ATP13A4: variants seen among roughly 807,000 people sequenced by gnomAD.
The protein encoded by ATP13A4 is probable cation-transporting ATPase 13A4.
In ATP13A4, 114 loss-of-function variants were observed where a neutral mutation model predicts 142.5. The observed-to-expected ratio is 0.80, with a 90% CI of 0.69 to 0.93. The LOEUF is 0.93. Ranked by LOEUF, ATP13A4 falls within the 40% of genes least tolerant of loss-of-function variation. The probability of loss-of-function intolerance (pLI) is 0.00; values close to 1 mark genes in which losing one functional copy is unlikely to be tolerated. For missense variants in ATP13A4, 1,392 were observed against 1,454.0 expected (o/e 0.96, Z 0.69); for synonymous variants, 488 against 514.8 (o/e 0.95, Z 0.70).
intron 1 of ATP13A4, among the ~76,000 whole-genome samples, chr3:193,541,410 T>C (rs1003821722): frequency 1.7e-5 from 2 of 120,904 alleles, no homozygotes; most frequent in Admixed American, 7.9e-5. Flanking sequence ...CGATCACAGA[T>C]TATCTATCTG....
chr3:193,404,120 T>G, intron 29 of ATP13A4: 2 of 985,396 alleles, frequency 2.0e-6, no homozygotes, highest in Non-Finnish European at 2.4e-6. Flanking sequence ...GCAGCAAGGT[T>G]TTTTTGTCCT....
rs564755485 is a variant in ATP13A4 at position 193,569,517 on chromosome 3, G to GTTTT, written n.291+12186_291+12189dup. ...AGTATTGGGTTTTTGTTTTGGTTTG[G>GTTTT]TTTTTTTGTTGTTGTTTTTGTTTTT... is the stretch of plus-strand genomic sequence containing the variant. On this transcript the variant is annotated intron_variant and non_coding_transcript_variant, in intron 2 of 3. Coordinates refer to the ATP13A4 transcript ENST00000489140. Among the ~76,000 whole-genome samples the GTTTT allele has an allele frequency of 3.2e-3, 398 of 124,360 alleles. 3 individuals carry two copies. The highest frequency in any genetic ancestry group is 0.014 in the African/African-American group (379 of 27,104). 81.6% of individuals were successfully genotyped at this position (124,360 alleles called of 152,430 possible).
At chr3:193,452,464 A>C (rs1462146349) in intron 17 of ATP13A4, among the ~76,000 whole-genome samples, 1 of 152,030 alleles carries the variant, frequency 6.6e-6, no homozygotes, top group African/African-American at 2.4e-5. Context: ...ACAATGAGCC[A>C]CTTCCCACAG....
chr3:193,437,613 C>T (rs1437300540), intron 23 of ATP13A4, among the ~76,000 whole-genome samples: 1 of 152,044 alleles, frequency 6.6e-6, no homozygotes, highest in Non-Finnish European at 1.5e-5. Context: ...AAAAAAATAG[C>T]CATTCCTGCA....
At chr3:193,545,421 T>C (rs1218891101) in intron 1 of ATP13A4, among the ~76,000 whole-genome samples, 1 of 152,138 alleles carries the variant, frequency 6.6e-6, no homozygotes, top group African/African-American at 2.4e-5. Flanking sequence ...TGAGGGGCCA[T>C]TTCAGGTACA....
Position 193,569,491 on chromosome 3 carries a change from C to T in ATP13A4, n.291+12216G>A, listed in dbSNP as rs1456047414. On this transcript the variant is annotated intron_variant and non_coding_transcript_variant, in intron 2 of 3. Coordinates refer to the ATP13A4 transcript ENST00000489140. ...TCAACTCTAGTTAATAGCAACATAG[C>T]AGTATTGGGTTTTTGTTTTGGTTTG... Among the ~76,000 whole-genome samples, 5 of 151,602 alleles carry T rather than the reference C, an allele frequency of 3.3e-5. No homozygotes were observed. In the East Asian group the frequency reaches 7.7e-4, roughly 23 times the overall value.
intron 2 of ATP13A4, among the ~76,000 whole-genome samples, chr3:193,512,344 C>T (rs1471095872): frequency 1.3e-5 from 2 of 152,122 alleles, no homozygotes; most frequent in Non-Finnish European, 2.9e-5. Context: ...CAAATTTTAT[C>T]CCTGTCCTAG....
At chr3:193,483,798 G>T (rs1373200656) in intron 8 of ATP13A4, 138 bp downstream of exon 8, 3 of 795,874 alleles carry the variant, frequency 3.8e-6, no homozygotes, top group Non-Finnish European at 6.2e-6. Flanking sequence ...AAAAACTTAA[G>T]TTCCTCATCC....
At chr3:193,506,537 C>G (rs1720868520) in intron 2 of ATP13A4, among the ~76,000 whole-genome samples, 1 of 152,104 alleles carries the variant, frequency 6.6e-6, no homozygotes, top group African/African-American at 2.4e-5. Context: ...ACTTTCTGAC[C>G]CTGGAAATGC....
intron 7 of ATP13A4, among the ~76,000 whole-genome samples, chr3:193,487,504 C>T (rs1261164134): frequency 1.3e-5 from 2 of 152,052 alleles, no homozygotes; most frequent in African/African-American, 2.4e-5. Flanking sequence ...CATAGAGAGA[C>T]GAGGTCTCAC....
intron 1 of ATP13A4, chr3:193,592,929 T>C (rs1359258833): frequency 5.7e-6 from 1 of 176,958 alleles, no homozygotes; most frequent in Non-Finnish European, 1.2e-5. Context: ...AATTCATGGC[T>C]CCCGGTGAGC....
At chr3:193,498,781 G>T (rs1720381864) in intron 3 of ATP13A4, among the ~76,000 whole-genome samples, 1 of 152,140 alleles carries the variant, frequency 6.6e-6, no homozygotes, top group Admixed American at 6.6e-5. Context: ...GTTTCCCCAT[G>T]AATAAATTTA....
intron 3 of ATP13A4, among the ~76,000 whole-genome samples, chr3:193,499,561 G>A (rs1358696623): frequency 1.3e-5 from 2 of 152,100 alleles, no homozygotes; most frequent in African/African-American, 4.8e-5. Flanking sequence ...TAACTTCCCA[G>A]GAATTTGAAC....
chr3:193,551,894 GAT>G (rs1404141215), intron 1 of ATP13A4, among the ~76,000 whole-genome samples: 2 of 152,308 alleles, frequency 1.3e-5, no homozygotes, highest in African/African-American at 4.8e-5. Flanking sequence ...CGCAGTTAAA[GAT>G]ATTATTTTCA....
rs1324047310 is a variant in ATP13A4, at chr3:193,466,083, A to C, written c.1214T>G (p.Leu405Arg). The part of the protein sequence containing the change: ...YRDAIRFLLC[L>R]VGTATIGMIY... ...CATCCCAATGGTGGCTGTTCCTACA[A>C]GGCACAGGAGGAACCTGATGGCATC... is the stretch of plus-strand genomic sequence containing the variant. The change falls in exon 11 of 30, where the codon CTT (leucine) becomes CGT (arginine). Residue 405 changes from leucine (L) to arginine (R), a missense_variant. Physicochemically the swap from Leu to Arg is moderately radical, Grantham distance 102. Coordinates refer to ENST00000342695, the MANE Select transcript of ATP13A4 (RefSeq NM_032279.4). 4 of 1,614,196 alleles carry C rather than the reference A, an allele frequency of 2.5e-6. No individual in the cohort carries two copies. The Admixed American group carries it at 6.7e-5, about 27-fold the overall frequency.
At chr3:193,508,102 A>G (rs1187714442) in intron 2 of ATP13A4, among the ~76,000 whole-genome samples, 1 of 152,196 alleles carries the variant, frequency 6.6e-6, no homozygotes, top group Non-Finnish European at 1.5e-5. Flanking sequence ...AAAAGACCCC[A>G]TGAAGACACA....
chr3:193,519,409 CTG>C (rs1721594059), intron 1 of ATP13A4, among the ~76,000 whole-genome samples: 1 of 152,118 alleles, frequency 6.6e-6, no homozygotes, highest in African/African-American at 2.4e-5. Flanking sequence ...CTATATCACT[CTG>C]TACCAGCCAC....
intron 12 of ATP13A4, among the ~76,000 whole-genome samples, chr3:193,463,576 T>C (rs1282741285): frequency 1.3e-5 from 2 of 152,080 alleles, no homozygotes; most frequent in Non-Finnish European, 2.9e-5. Flanking sequence ...ATGGTCATAA[T>C]CTCAGAGAGC....
intron 1 of ATP13A4, chr3:193,554,380 T>A: frequency 8.6e-6 from 3 of 347,418 alleles, no homozygotes; most frequent in Non-Finnish European, 1.7e-5. Context: ...GCTCCTCACA[T>A]TAGGGATTTC....
Sources: allele counts gnomAD v4.1 joint callset (sites outside exome capture counted in the v4.1 genomes callset), GRCh38; gene constraint gnomAD v4.1.1; transcripts MANE v1.5; gene names NCBI Gene and HGNC (gene_info 2026-07-23, HGNC 2026-07-21).